XKR4: variants seen among roughly 807,000 people sequenced by gnomAD.
XKR4 encodes XK related 4.
Under a neutral mutation model 53.9 loss-of-function variants are expected in XKR4, and 12 were observed. The ratio of observed to expected loss-of-function variants is 0.22; its 90% CI spans 0.14 to 0.36. The LOEUF (loss-of-function observed/expected upper bound fraction) is 0.36. Among genes scored for constraint, XKR4 ranks in the 10% least tolerant of loss-of-function variants. The pLI, the probability that XKR4 is intolerant of heterozygous loss-of-function variation, is 1.00. For synonymous variants in XKR4, 354 were observed against 362.4 expected (o/e 0.98, Z 0.26); for missense variants, 799 against 859.5 (o/e 0.93, Z 0.88).
intron 1 of XKR4, among the ~76,000 whole-genome samples, chr8:55,177,462 A>G (rs1274210840): frequency 6.6e-6 from 1 of 152,228 alleles, no homozygotes; most frequent in East Asian, 1.9e-4. Context: ...GTAGCAGCAC[A>G]TAAGAATATC....
intron 2 of XKR4, among the ~76,000 whole-genome samples, chr8:55,389,880 T>C (rs949856144): frequency 6.6e-6 from 1 of 152,220 alleles, no homozygotes; most frequent in African/African-American, 2.4e-5. Flanking sequence ...TAGTGCCTAC[T>C]GGAGCCCACA....
chr8:55,197,530 G>A (rs981894983), intron 1 of XKR4, among the ~76,000 whole-genome samples: 5 of 150,890 alleles, frequency 3.3e-5, no homozygotes, highest in East Asian at 1.9e-4. Context: ...ACACCAAAGC[G>A]CTGGGTTCAG....
At chr8:55,197,977 A>C (rs562176409) in intron 1 of XKR4, among the ~76,000 whole-genome samples, 1 of 152,318 alleles carries the variant, frequency 6.6e-6, no homozygotes, top group Non-Finnish European at 1.5e-5. Flanking sequence ...TAAATAAATA[A>C]ATGCCCAGAC....
At chr8:55,497,308 C>A (rs1034613567) in intron 2 of XKR4, among the ~76,000 whole-genome samples, 1 of 152,150 alleles carries the variant, frequency 6.6e-6, no homozygotes, top group Admixed American at 6.5e-5. Flanking sequence ...AAGGACTCTA[C>A]AAAATTTGTG....
intron 1 of XKR4, among the ~76,000 whole-genome samples, chr8:55,119,792 A>G (rs980333725): frequency 1.5e-4 from 23 of 152,176 alleles, no homozygotes; most frequent in Non-Finnish European, 1.6e-4. Context: ...AAGGCTCCAT[A>G]ATGAGTGGAG....
intron 2 of XKR4, among the ~76,000 whole-genome samples, chr8:55,460,193 T>C (rs1805633793): frequency 6.6e-6 from 1 of 152,186 alleles, no homozygotes; most frequent in South Asian, 2.1e-4. Context: ...TATTGTATTA[T>C]TCCAATTCTA....
At chr8:55,168,570 G>A (rs1817103361) in intron 1 of XKR4, among the ~76,000 whole-genome samples, 1 of 152,088 alleles carries the variant, frequency 6.6e-6, no homozygotes, top group Non-Finnish European at 1.5e-5. Context: ...TCCTCACCTT[G>A]GAAAGAACAG....
rs547577577 is a variant in XKR4, at chr8:55,345,218, C to T, written c.807-12460C>T. ...CTGAGGCAGGAGAATCACTTGAACT[C>T]GGGAGGCAGAGGTTGCAGTGAGCCA... On this transcript the variant is annotated intron_variant, in intron 1 of 2. Coordinates refer to ENST00000327381, the MANE Select transcript of XKR4 (RefSeq NM_052898.2). Among the ~76,000 whole-genome samples, 4 of 151,744 alleles carry T rather than the reference C, an allele frequency of 2.6e-5. No individual in the cohort carries two copies. In the East Asian group the frequency reaches 5.8e-4, roughly 22 times the overall value.
chr8:55,452,307 G>T, intron 2 of XKR4: 1 of 644,132 alleles, frequency 1.6e-6, no homozygotes. Flanking sequence ...CTTGGTCAGC[G>T]CGGCCACCGG....
At chr8:55,388,405 A>G (rs1047511636) in intron 2 of XKR4, among the ~76,000 whole-genome samples, 3 of 152,216 alleles carry the variant, frequency 2.0e-5, no homozygotes, top group Non-Finnish European at 4.4e-5. Flanking sequence ...TCAGGCTACT[A>G]TAAAAATATA....
intron 2 of XKR4, among the ~76,000 whole-genome samples, chr8:55,393,416 AAGGAAGGAAGGAAGGAAGGAAGGAAGG>A (rs1297995999): frequency 2.3e-4 from 7 of 30,896 alleles, no homozygotes; most frequent in Admixed American, 1.5e-3. Context: ...GGAAGGAAGG[AAGGAAGGAAGGAAGGAAGGAAGGAAGG>A]AAGGAAGGAA....
At chr8:55,240,560 A>G (rs1818197349) in intron 1 of XKR4, among the ~76,000 whole-genome samples, 1 of 152,110 alleles carries the variant, frequency 6.6e-6, no homozygotes, top group African/African-American at 2.4e-5. Flanking sequence ...TTAGTTTTCC[A>G]GGAATCATTT....
rs11433893 is a variant in XKR4, at chr8:55,213,856, C to CTTTTTTTT, written c.806+110582_806+110589dup. Reference sequence around the variant, plus strand: ...TTAATACTTCTTTTTTTCTTTCTTTCTTTTTTTTTTTTTTTTTTTTTTTTT... The same window carrying CTTTTTTTT: ...TTAATACTTCTTTTTTTCTTTCTTTCTTTTTTTTTTTTTTTTTTTTTTTTTTTTTTTTT... On this transcript the variant is annotated intron_variant, in intron 1 of 2. Transcript: ENST00000327381. Among the ~76,000 whole-genome samples the CTTTTTTTT allele has an allele frequency of 4.0e-3, 329 of 82,366 alleles. 5 individuals are homozygous for CTTTTTTTT. The highest frequency in any genetic ancestry group is 8.5e-3 in the African/African-American group (170 of 19,978). 54.0% of individuals were successfully genotyped at this position (82,366 alleles called of 152,430 possible).
intron 2 of XKR4, among the ~76,000 whole-genome samples, chr8:55,429,022 G>A (rs547688213): frequency 1.3e-5 from 2 of 152,292 alleles, no homozygotes; most frequent in South Asian, 2.1e-4. Context: ...ATATAGCTAC[G>A]TAATCAAGAC....
intron 2 of XKR4, among the ~76,000 whole-genome samples, chr8:55,427,049 A>G (rs954029284): frequency 5.3e-5 from 8 of 152,238 alleles, no homozygotes; most frequent in Admixed American, 3.9e-4. Flanking sequence ...CACATATAAA[A>G]TATGGTAATT....
intron 2 of XKR4, among the ~76,000 whole-genome samples, chr8:55,456,583 T>A (rs534121257): frequency 7.9e-5 from 12 of 152,246 alleles, no homozygotes; most frequent in African/African-American, 2.4e-4. Context: ...AACCCAAATA[T>A]TGGAAGTGAA....
intron 2 of XKR4, chr8:55,453,566 C>G (rs1274164118): frequency 2.6e-6 from 1 of 383,186 alleles, no homozygotes; most frequent in Non-Finnish European, 5.1e-6. Context: ...CCCTGAGGGC[C>G]CTGTGGTCCT....
intron 1 of XKR4, among the ~76,000 whole-genome samples, chr8:55,196,463 A>G (rs1817509331): frequency 6.6e-6 from 1 of 152,168 alleles, no homozygotes; most frequent in South Asian, 2.1e-4. Context: ...GATTACAGGC[A>G]TGAGCCACAG....
At chr8:55,430,329 C>T (rs796813662) in intron 2 of XKR4, among the ~76,000 whole-genome samples, 3 of 152,256 alleles carry the variant, frequency 2.0e-5, no homozygotes, top group African/African-American at 7.2e-5. Context: ...AAAAATATGT[C>T]CACACAAAAA....
Sources: allele counts gnomAD v4.1 joint callset (sites outside exome capture counted in the v4.1 genomes callset), GRCh38; gene constraint gnomAD v4.1.1; transcripts MANE v1.5; gene names NCBI Gene and HGNC (gene_info 2026-07-23, HGNC 2026-07-21).